NT5C2: variants seen among roughly 807,000 people sequenced by gnomAD.
The protein encoded by NT5C2 is 5'-nucleotidase, cytosolic II, also known as cytosolic purine 5'-nucleotidase.
In NT5C2, 58 loss-of-function variants were observed where a neutral mutation model predicts 76.1. The observed-to-expected ratio is 0.76, with a 90% CI of 0.62 to 0.95. The LOEUF is 0.95. NT5C2 is among the 40% of genes least tolerant of loss of function. The probability of loss-of-function intolerance (pLI) is 0.00; values close to 1 mark genes in which losing one functional copy is unlikely to be tolerated. For synonymous variants in NT5C2, 229 were observed against 237.4 expected (o/e 0.96, Z 0.32); for missense variants, 478 against 690.3 (o/e 0.69, Z 3.45).
intron 3 of NT5C2, among the ~76,000 whole-genome samples, chr10:103,147,995 G>A (rs2081775079): frequency 1.3e-5 from 2 of 151,994 alleles, no homozygotes; most frequent in South Asian, 4.1e-4. Context: ...CAATAAAGCT[G>A]TTATTAAAAA....
chr10:103,141,433 G>A (rs1281327016), intron 3 of NT5C2, among the ~76,000 whole-genome samples: 1 of 152,022 alleles, frequency 6.6e-6, no homozygotes, highest in Non-Finnish European at 1.5e-5. Flanking sequence ...ACTTCAGCCT[G>A]GGCAGCAGAG....
At chr10:103,114,894 T>C (rs540021284) in intron 4 of NT5C2, among the ~76,000 whole-genome samples, 12 of 152,348 alleles carry the variant, frequency 7.9e-5, no homozygotes, top group African/African-American at 2.9e-4. Context: ...ATGATCTGCT[T>C]AGGTAACCAA....
At chr10:103,152,072 T>C (rs2082511119) in intron 3 of NT5C2, among the ~76,000 whole-genome samples, 1 of 152,204 alleles carries the variant, frequency 6.6e-6, no homozygotes, top group Non-Finnish European at 1.5e-5. Context: ...TAACCGCGTC[T>C]AGAAATACAA....
chr10:103,125,289 T>G, intron 4 of NT5C2: 1 of 579,510 alleles, frequency 1.7e-6, no homozygotes, highest in Non-Finnish European at 3.1e-6. Context: ...TGCTTCATTG[T>G]CACAGTTAAA....
chr10:103,153,382 C>A, intron 3 of NT5C2: 1 of 1,209,088 alleles, frequency 8.3e-7, no homozygotes, highest in Non-Finnish European at 1.0e-6. Context: ...AACTGTAGCT[C>A]ATTTGTTAAA....
intron 14 of NT5C2, 178 bp downstream of exon 14, chr10:103,093,794 C>G (rs2067489715): frequency 1.8e-6 from 1 of 552,490 alleles, no homozygotes; most frequent in African/African-American, 1.9e-5. Context: ...TTAGGATATA[C>G]TAACAACTGC....
At chr10:103,107,938 T>G (rs140814859) in intron 4 of NT5C2, among the ~76,000 whole-genome samples, 3,509 of 152,160 alleles carry the variant, frequency 0.023, 84 homozygotes, top group South Asian at 0.12. Flanking sequence ...GCGGATCACT[T>G]GAGGTCAGGA....
chr10:103,145,501 T>C (rs1291867600), intron 3 of NT5C2, among the ~76,000 whole-genome samples: 1 of 152,196 alleles, frequency 6.6e-6, no homozygotes, highest in East Asian at 1.9e-4. Flanking sequence ...CCTTTGCCAA[T>C]GTCAGTTTAC....
chr10:103,094,996 T>C (rs1481674343), intron 12 of NT5C2, among the ~76,000 whole-genome samples: 2 of 138,710 alleles, frequency 1.4e-5, no homozygotes, highest in Non-Finnish European at 3.2e-5. Context: ...TCATTTCATC[T>C]ACTACTAAAT....
intron 3 of NT5C2, among the ~76,000 whole-genome samples, chr10:103,159,251 G>GCACGCA (rs1555024572): frequency 2.3e-5 from 3 of 133,202 alleles, no homozygotes; most frequent in African/African-American, 8.4e-5. Context: ...TCCAAAACAT[G>GCACGCA]CACACACACA....
rs770004367 is a variant in NT5C2, at chr10:103,090,758, A to G, written c.1302T>C (p.Tyr434=). The G allele has an allele frequency of 1.2e-6, 2 of 1,614,214 alleles. No homozygotes were observed. The highest frequency in any genetic ancestry group is 1.1e-5 in the South Asian group (1 of 91,086). The change falls in exon 18 of 19, where the codon TAT becomes TAC. Residue 434 remains tyrosine (Y), a synonymous_variant. Coordinates refer to ENST00000404739, the MANE Select transcript of NT5C2 (RefSeq NM_001351169.2). ...KKVTHDMDMC[Y]GMMGSLFRSG... is the part of the protein sequence containing the mutation. ...TGCGAAACAGGCTTCCCATCATCCC[A>G]TAGCACATGTCCATGTCATGAGTTA...
intron 3 of NT5C2, among the ~76,000 whole-genome samples, chr10:103,161,474 G>A (rs1047052126): frequency 6.6e-6 from 1 of 152,210 alleles, no homozygotes; most frequent in African/African-American, 2.4e-5. Context: ...CAGCCACTGT[G>A]CCTGACCAAT....
chr10:103,158,405 T>C (rs550971176), intron 3 of NT5C2, among the ~76,000 whole-genome samples: 19 of 152,172 alleles, frequency 1.2e-4, no homozygotes, highest in Middle Eastern at 6.8e-3. Flanking sequence ...TTTAAATATA[T>C]ATATACAAAA....
chr10:103,125,666 C>T (rs990457671), intron 4 of NT5C2, among the ~76,000 whole-genome samples: 2 of 152,136 alleles, frequency 1.3e-5, no homozygotes, highest in African/African-American at 4.8e-5. Flanking sequence ...TATTATAAAA[C>T]TAAGTAACAA....
chr10:103,147,456 G>A (rs570025740), intron 3 of NT5C2, among the ~76,000 whole-genome samples: 2 of 152,294 alleles, frequency 1.3e-5, no homozygotes, highest in South Asian at 4.1e-4. Flanking sequence ...ATTTTGTCAA[G>A]GAACTATCAA....
chr10:103,183,509 T>C (rs1023396339), intron 1 of NT5C2, among the ~76,000 whole-genome samples: 18 of 121,348 alleles, frequency 1.5e-4, no homozygotes, highest in Non-Finnish European at 2.7e-4. Flanking sequence ...AAACAAATGC[T>C]TTTTTTTTTT....
At chr10:103,136,501 A>C (rs565634128) in intron 4 of NT5C2, among the ~76,000 whole-genome samples, 1 of 152,368 alleles carries the variant, frequency 6.6e-6, no homozygotes, top group East Asian at 1.9e-4. Context: ...ACTTACTGTT[A>C]AATATACACA....
Position 103,181,291 on chromosome 10 carries a change from A to C in NT5C2, c.-131T>G, listed in dbSNP as rs2135233735. On this transcript the variant is annotated 5_prime_UTR_variant, in exon 2 of 19. It removes the in-frame stop codon of an upstream open reading frame in the 5' UTR. Coordinates refer to ENST00000404739, the MANE Select transcript of NT5C2 (RefSeq NM_001351169.2). ...ATGGATCACTTGACGTCAGGAGATC[A>C]CATCACTGTACTCCAGCCTGGGCAG... 6.6e-6 allele frequency: 1 copy of C among 151,576 alleles called. No individual in the cohort carries two copies. Among genetic ancestry groups the C allele is most frequent in the South Asian group, 2.1e-4 (1 of 4,794 alleles). 9.4% of individuals were successfully genotyped at this position (151,576 alleles called of 1,614,324 possible).
At chr10:103,162,868 C>T (rs2085281478) in intron 3 of NT5C2, among the ~76,000 whole-genome samples, 1 of 151,864 alleles carries the variant, frequency 6.6e-6, no homozygotes, top group Non-Finnish European at 1.5e-5. Flanking sequence ...TCTATGAATC[C>T]TAACTCACAT....
Sources: gnomAD v4.1 joint callset for allele counts (sites outside exome capture counted in the v4.1 genomes callset) on GRCh38, gnomAD v4.1.1 for gene constraint, MANE v1.5 for transcripts, NCBI Gene and HGNC (gene_info 2026-07-23, HGNC 2026-07-21) for gene names.